The following GRK4 variants were observed in gnomAD, a reference collection of about 807,000 sequenced individuals.
GRK4 encodes G protein-coupled receptor kinase 2-like.
A neutral mutation model predicts 77.9 loss-of-function variants in GRK4; 73 were observed. The observed-to-expected ratio is 0.94, with a 90% CI of 0.78 to 1.14. The LOEUF is 1.14. Among genes scored for constraint, GRK4 ranks in the 50% most tolerant of loss-of-function variants. The probability of loss-of-function intolerance (pLI) is 0.00; values close to 1 mark genes in which losing one functional copy is unlikely to be tolerated. For synonymous variants in GRK4, 257 were observed against 254.4 expected (o/e 1.01, Z -0.10); for missense variants, 729 against 700.2 (o/e 1.04, Z -0.46).
chr4:3,007,900 G>A lies in GRK4; in HGVS notation c.536+72G>A, dbSNP rs1731777135. ...TGCCTGTAGTCCCAGCTACTCAGGA[G>A]GCTGAGGCTGAAGGATTGCTTAAGC... On this transcript the variant is annotated intron_variant, in intron 6 of 15. Coordinates refer to ENST00000398052, the MANE Select transcript of GRK4 (RefSeq NM_182982.3). The A allele has an allele frequency of 3.0e-6, 3 of 1,008,332 alleles. No homozygotes were observed. In the South Asian group the frequency reaches 4.4e-5, roughly 15 times the overall value. The allele number at this position is 1,008,332 out of a possible 1,614,324, so 62.5% of individuals were successfully genotyped here.
rs1221649582 is a variant in GRK4 at position 2,988,841 on chromosome 4, T to TCAC, written c.261+2_261+3insCAC. ...CACATTGAATTCTTGGATGCAGTGG[T>TCAC]GAGCAGTTTATCTCCATATTGAGCA... On this transcript the variant is annotated splice_region_variant and intron_variant, in intron 3 of 15. Coordinates refer to ENST00000398052, the MANE Select transcript of GRK4 (RefSeq NM_182982.3). 1 of 1,564,816 alleles carries TCAC rather than the reference T, an allele frequency of 6.4e-7. No homozygotes were observed. Among genetic ancestry groups the TCAC allele is most frequent in the African/African-American group, 1.4e-5 (1 of 73,890 alleles).
At chr4:2,965,334 C>T (rs1441028519) in intron 1 of GRK4, 1 of 703,106 alleles carries the variant, frequency 1.4e-6, no homozygotes, top group African/African-American at 1.7e-5. Context: ...TCTCGGACCT[C>T]ATGTCTCCCT....
chr4:3,016,727 T>A (rs559015606), intron 8 of GRK4, among the ~76,000 whole-genome samples: 1,905 of 145,716 alleles, frequency 0.013, 17 homozygotes, highest in Non-Finnish European at 0.022. Context: ...AAAAAAAAAA[T>A]ACAAAAAAAC....
At chr4:3,038,267 C>G in intron 14 of GRK4, 109 bp from the exon 15 acceptor site, 1 of 1,387,152 alleles carries the variant, frequency 7.2e-7, no homozygotes, top group Non-Finnish European at 9.9e-7. Flanking sequence ...GGTGCAGGAG[C>G]TCTGAGGTGC....
At chr4:2,981,527 A>G (rs941272698) in intron 1 of GRK4, among the ~76,000 whole-genome samples, 2 of 152,096 alleles carry the variant, frequency 1.3e-5, no homozygotes, top group African/African-American at 2.4e-5. Flanking sequence ...CCTGATGAGT[A>G]TACAGCCCTC....
chr4:2,975,089 G>A (rs984727659), intron 1 of GRK4, among the ~76,000 whole-genome samples: 8 of 152,200 alleles, frequency 5.3e-5, no homozygotes, highest in Non-Finnish European at 1.2e-4. Context: ...TGGATCATGA[G>A]GTCAGGAGAT....
In GRK4 at chr4:2,988,802, CCACTCTA is replaced by C. The variant is rs1725230035; in HGVS notation, c.225_231del (p.Thr76ArgfsTer29). The C allele has an allele frequency of 6.2e-7, 1 of 1,612,302 alleles. No homozygotes were observed. The highest frequency in any genetic ancestry group is 8.5e-7 in the Non-Finnish European group (1 of 1,178,580). ...TTCAGGCAGTTCTGTGATACCAAAC[CCACTCTA>C]AAGAGGCACATTGAATTCTTGGATG... On this transcript the variant is annotated frameshift_variant, in exon 3 of 16. Transcript: ENST00000398052. LOFTEE classifies it high-confidence loss of function.
intron 6 of GRK4, 57 bp from the exon 7 acceptor site, chr4:3,009,591 C>G: frequency 7.2e-7 from 1 of 1,380,186 alleles, no homozygotes. Flanking sequence ...GTAAACTTTT[C>G]TTTTTTAAAA....
intron 8 of GRK4, among the ~76,000 whole-genome samples, chr4:3,016,972 A>G (rs78263974): frequency 0.011 from 1,632 of 152,310 alleles, 19 homozygotes; most frequent in African/African-American, 0.035. Flanking sequence ...CCCTGCTTAC[A>G]GTGGCATGTT....
chr4:3,036,881 G>T (rs1003244001), intron 13 of GRK4, among the ~76,000 whole-genome samples: 1 of 152,190 alleles, frequency 6.6e-6, no homozygotes, highest in Admixed American at 6.5e-5. Context: ...GGCGAGAATT[G>T]TCACTAAGGG....
chr4:2,988,951 G>A (rs1725285799), intron 3 of GRK4, 112 bp downstream of exon 3: 1 of 665,086 alleles, frequency 1.5e-6, no homozygotes, highest in South Asian at 1.6e-5. Flanking sequence ...TTGGAAGGCT[G>A]AGGCGGGCGG....
In GRK4 at chr4:3,034,584, C is replaced by T. The variant is rs184954799; in HGVS notation, c.1270-802C>T. Among the ~76,000 whole-genome samples, 568 of 152,044 alleles carry T rather than the reference C, an allele frequency of 3.7e-3. 1 individual carries two copies. Among genetic ancestry groups the T allele is most frequent in the Middle Eastern group, 6.8e-3 (2 of 294 alleles). ...TGCTTTTTCTGATTGATGAGAATTG[C>T]GGAGGAAGGCTTATTTGCCTTTGTG... On this transcript the variant is annotated intron_variant, in intron 12 of 15. Transcript: ENST00000398052.
chr4:3,035,599 A>T, intron 13 of GRK4, 76 bp downstream of exon 13: 1 of 1,473,454 alleles, frequency 6.8e-7, no homozygotes, highest in Non-Finnish European at 9.1e-7. Context: ...TTCTTTTTTC[A>T]AAAATAGAGA....
At chr4:3,037,044 G>GGGGTGT (rs1553904179) in intron 13 of GRK4, among the ~76,000 whole-genome samples, 15 of 144,370 alleles carry the variant, frequency 1.0e-4, no homozygotes, top group Middle Eastern at 3.6e-3. Flanking sequence ...CCTCAGGAGG[G>GGGGTGT]GTGTGTGTGT....
rs201530341 is a variant in GRK4 at position 3,029,188 on chromosome 4, A to C, written c.1061-13A>C. ...ATTTAACTTAATTTCCATTTCCTGT[A>C]TTTGTTATGTAGCACCTGAAGTTGT... is the stretch of plus-strand genomic sequence containing the variant. On this transcript the variant is annotated splice_polypyrimidine_tract_variant and intron_variant, in intron 11 of 15. Transcript: ENST00000398052. The C allele has an allele frequency of 8.8e-5, 139 of 1,585,648 alleles. No individual in the cohort carries two copies. In the African/African-American group the frequency reaches 1.5e-3, roughly 17 times the overall value.
At chr4:2,981,397 C>T (rs1319145601) in intron 1 of GRK4, among the ~76,000 whole-genome samples, 1 of 152,224 alleles carries the variant, frequency 6.6e-6, no homozygotes, top group African/African-American at 2.4e-5. Flanking sequence ...AGTGACAGTA[C>T]AGCTCTCAGG....
Position 2,979,320 on chromosome 4 carries a change from C to T in GRK4, c.53-5193C>T, listed in dbSNP as rs966654367. Among the ~76,000 whole-genome samples the T allele has an allele frequency of 4.4e-4, 66 of 149,902 alleles. 1 individual carries two copies. Among genetic ancestry groups the T allele is most frequent in the African/African-American group, 1.4e-3 (55 of 40,692 alleles). ...TCTGGAGGCTAAAGTGGGAGAATCACCTGAACCCAGGAGGTGGAGGTTGCA... is the reference window on the plus strand; with the variant it reads ...TCTGGAGGCTAAAGTGGGAGAATCATCTGAACCCAGGAGGTGGAGGTTGCA... On this transcript the variant is annotated intron_variant, in intron 1 of 15. Transcript: ENST00000398052.
chr4:3,000,578 T>A (rs899690447), intron 4 of GRK4, among the ~76,000 whole-genome samples: 1 of 123,260 alleles, frequency 8.1e-6, no homozygotes, highest in Non-Finnish European at 1.7e-5. Context: ...TCTTTTCTTT[T>A]TTTTTTTGAA....
At chr4:2,998,817 A>T (rs1728717174) in intron 4 of GRK4, among the ~76,000 whole-genome samples, 1 of 152,078 alleles carries the variant, frequency 6.6e-6, no homozygotes, top group Admixed American at 6.6e-5. Context: ...TATAATCCCT[A>T]TCACAAGTCT....
Sources: allele counts gnomAD v4.1 joint callset (sites outside exome capture counted in the v4.1 genomes callset), GRCh38; gene constraint gnomAD v4.1.1; transcripts MANE v1.5; gene names NCBI Gene and HGNC (gene_info 2026-07-23, HGNC 2026-07-21).